Variants in UNC13C observed in about 807,000 individuals in gnomAD.
UNC13C encodes protein unc-13 homolog C.
A neutral mutation model predicts 245.4 loss-of-function variants in UNC13C; 174 were observed. That is an observed-to-expected ratio of 0.71 (90% confidence interval 0.63 to 0.80). UNC13C has a LOEUF of 0.80. UNC13C is among the 30% of genes least tolerant of loss of function. The pLI, the probability that UNC13C is intolerant of heterozygous loss-of-function variation, is 0.00. For synonymous variants in UNC13C, 992 were observed against 895.1 expected, an observed-to-expected ratio of 1.11 and a Z score of -1.93; for missense variants, 2,829 against 2,602.9, an observed-to-expected ratio of 1.09 and a Z score of -1.89.
At chr15:54,553,423 TATATATAATATATAATATAATTATA>T (rs1555394334) in intron 28 of UNC13C, among the ~76,000 whole-genome samples, 1 of 130,466 alleles carries the variant, frequency 7.7e-6, no homozygotes, top group Non-Finnish European at 1.6e-5. Context: ...TATATAATAT[TATATATAATATATAATATAATTATA>T]ATATATAATA....
intron 10 of UNC13C, among the ~76,000 whole-genome samples, chr15:54,283,326 C>G (rs1023905020): frequency 3.9e-5 from 6 of 151,950 alleles, no homozygotes; most frequent in South Asian, 4.2e-4. Flanking sequence ...TATACACACA[C>G]AGAGACATAA....
chr15:54,406,784 A>G (rs879876466), intron 18 of UNC13C, among the ~76,000 whole-genome samples: 2 of 152,166 alleles, frequency 1.3e-5, no homozygotes, highest in Non-Finnish European at 2.9e-5. Flanking sequence ...CTTATCATTC[A>G]CAACTATTTA....
intron 17 of UNC13C, among the ~76,000 whole-genome samples, chr15:54,388,561 CT>C (rs1312294843): frequency 6.6e-6 from 1 of 152,154 alleles, no homozygotes. Context: ...ACCAACAAGG[CT>C]TATCTGCAAG....
chr15:54,524,224 A>G (rs573265309), intron 24 of UNC13C, among the ~76,000 whole-genome samples: 1 of 149,608 alleles, frequency 6.7e-6, no homozygotes, highest in Non-Finnish European at 1.5e-5. Flanking sequence ...AGAAGTCTCT[A>G]TCTGTTATGA....
intron 4 of UNC13C, among the ~76,000 whole-genome samples, chr15:54,144,927 C>G (rs1288189272): frequency 6.6e-6 from 1 of 151,468 alleles, no homozygotes; most frequent in Non-Finnish European, 1.5e-5. Context: ...AGAGAGATAT[C>G]TATATAATTA....
chr15:54,080,739 TC>T (rs1236852216), intron 2 of UNC13C, among the ~76,000 whole-genome samples: 1 of 152,118 alleles, frequency 6.6e-6, no homozygotes, highest in Non-Finnish European at 1.5e-5. Context: ...TATTGATATG[TC>T]AGTTTTGTTT....
chr15:54,417,048 A>G (rs199898711), intron 19 of UNC13C: 7 of 443,124 alleles, frequency 1.6e-5, no homozygotes, highest in Non-Finnish European at 3.2e-5. Context: ...CCAGGAATAA[A>G]CTTATTTTAA....
intron 17 of UNC13C, among the ~76,000 whole-genome samples, chr15:54,343,851 G>A (rs754805690): frequency 1.3e-5 from 2 of 152,120 alleles, no homozygotes; most frequent in African/African-American, 2.4e-5. Flanking sequence ...GTTAAGGGGA[G>A]GGGCTTACTG....
At chr15:54,139,318 G>C (rs1198101729) in intron 2 of UNC13C, among the ~76,000 whole-genome samples, 6 of 152,086 alleles carry the variant, frequency 3.9e-5, no homozygotes, top group Non-Finnish European at 8.8e-5. Context: ...CCCTGCTCTA[G>C]TATGGCATGT....
chr15:53,842,408 G>GA, the UNC13C span, among the ~76,000 whole-genome samples: 1 of 152,096 alleles, frequency 6.6e-6, no homozygotes, highest in East Asian at 1.9e-4. Context: ...CTCAATTCAT[G>GA]ATGTTCAGAT....
At chr15:54,157,176 G>A (rs972168199) in intron 4 of UNC13C, among the ~76,000 whole-genome samples, 1 of 152,170 alleles carries the variant, frequency 6.6e-6, no homozygotes, top group Non-Finnish European at 1.5e-5. Context: ...TTAGCCAATG[G>A]GACTTGAGAA....
chr15:54,484,400 T>C (rs1050618101), intron 19 of UNC13C, among the ~76,000 whole-genome samples: 2 of 152,208 alleles, frequency 1.3e-5, no homozygotes, highest in African/African-American at 2.4e-5. Flanking sequence ...TGAGACATGA[T>C]ACATTAGGAA....
chr15:53,923,576 A>G, the UNC13C span, among the ~76,000 whole-genome samples: 3 of 152,216 alleles, frequency 2.0e-5, no homozygotes, highest in African/African-American at 4.8e-5. Context: ...CATACATTGC[A>G]TCTTCCTTCA....
intron 29 of UNC13C, among the ~76,000 whole-genome samples, chr15:54,564,958 T>C (rs1297914098): frequency 1.3e-5 from 2 of 151,974 alleles, no homozygotes; most frequent in Non-Finnish European, 2.9e-5. Context: ...TAGTTCTCCT[T>C]AGATAGTGCC....
the UNC13C span, among the ~76,000 whole-genome samples, chr15:53,865,780 A>G: frequency 6.6e-6 from 1 of 152,110 alleles, no homozygotes; most frequent in Non-Finnish European, 1.5e-5. Flanking sequence ...TGTATATCTA[A>G]AAGTATATTT....
chr15:53,974,382 A>G (rs2711595), upstream of UNC13C, among the ~76,000 whole-genome samples: 61,071 of 151,992 alleles, frequency 0.4, 12,698 homozygotes, highest in Admixed American at 0.51. Flanking sequence ...AAGCAAGCAC[A>G]CTATTATTCA....
chr15:53,908,224 C>CT, the UNC13C span, among the ~76,000 whole-genome samples: 2 of 146,290 alleles, frequency 1.4e-5, no homozygotes, highest in South Asian at 2.3e-4. Context: ...ATGGGTGCTC[C>CT]TTTTTTTGTC....
chr15:53,880,396 C>T, the UNC13C span, among the ~76,000 whole-genome samples: 1 of 152,200 alleles, frequency 6.6e-6, no homozygotes, highest in African/African-American at 2.4e-5. Flanking sequence ...GTTGCGGCTG[C>T]TTTGCAATTG....
chr15:54,196,901 C>T (rs531407630), intron 4 of UNC13C, among the ~76,000 whole-genome samples: 138 of 152,120 alleles, frequency 9.1e-4, no homozygotes, highest in African/African-American at 3.2e-3. Flanking sequence ...TACTTTAATT[C>T]CAGGGATGAG....
Sources: gnomAD v4.1 joint callset for allele counts (sites outside exome capture counted in the v4.1 genomes callset) on GRCh38, gnomAD v4.1.1 for gene constraint, MANE v1.5 for transcripts, NCBI Gene and HGNC (gene_info 2026-07-23, HGNC 2026-07-21) for gene names.